Variants in NCAM1 observed in about 807,000 individuals in gnomAD.
The protein encoded by NCAM1 is antigen recognized by monoclonal antibody 5.1H11.
Under a neutral mutation model 109.8 loss-of-function variants are expected in NCAM1, and 14 were observed. The ratio of observed to expected loss-of-function variants is 0.13; its 90% CI spans 0.08 to 0.20. The LOEUF (loss-of-function observed/expected upper bound fraction) is 0.20. Ranked by LOEUF, NCAM1 falls within the 10% of genes least tolerant of loss-of-function variation. The pLI is 1.00. For missense variants in NCAM1, 774 were observed against 1,109.9 expected, an observed-to-expected ratio of 0.70 and a Z score of 4.30; for synonymous variants, 418 against 442.9, an observed-to-expected ratio of 0.94 and a Z score of 0.70.
chr11:113,175,075 C>T (rs1555106808), intron 1 of NCAM1, among the ~76,000 whole-genome samples: 1 of 152,168 alleles, frequency 6.6e-6, no homozygotes, highest in African/African-American at 2.4e-5. Context: ...TGATGTCATG[C>T]CCTTGTGGGA....
At chr11:113,079,982 T>C (rs1474750004) in intron 1 of NCAM1, among the ~76,000 whole-genome samples, 2 of 152,228 alleles carry the variant, frequency 1.3e-5, no homozygotes, top group Non-Finnish European at 2.9e-5. Context: ...CCTAAAAATA[T>C]TACAATACAT....
At chr11:113,270,668 G>T (rs782621051) in intron 18 of NCAM1, 10 of 493,052 alleles carry the variant, frequency 2.0e-5, no homozygotes, top group Non-Finnish European at 3.6e-5. Context: ...AGGTCAAAAT[G>T]AGGGAAATTG....
At chr11:112,989,862 G>T (rs1413001532) in intron 1 of NCAM1, among the ~76,000 whole-genome samples, 1 of 152,126 alleles carries the variant, frequency 6.6e-6, no homozygotes, top group African/African-American at 2.4e-5. Flanking sequence ...GTTCATCAAG[G>T]TTACCTTAAT....
intron 1 of NCAM1, among the ~76,000 whole-genome samples, chr11:113,102,285 CAGG>C (rs1939910357): frequency 6.6e-6 from 1 of 152,162 alleles, no homozygotes; most frequent in Non-Finnish European, 1.5e-5. Context: ...TTATAATCCA[CAGG>C]AGGACACACC....
chr11:113,236,690 C>T (rs565279350), intron 14 of NCAM1, among the ~76,000 whole-genome samples: 17 of 152,252 alleles, frequency 1.1e-4, no homozygotes, highest in African/African-American at 2.2e-4. Flanking sequence ...GCCAGGATGC[C>T]GGGAAAGTGA....
intron 7 of NCAM1, among the ~76,000 whole-genome samples, chr11:113,211,840 C>G (rs1431833290): frequency 6.6e-6 from 1 of 152,140 alleles, no homozygotes; most frequent in Non-Finnish European, 1.5e-5. Flanking sequence ...GTAGACAAGG[C>G]TGCCTCTTAG....
In NCAM1 at chr11:113,205,034, G is replaced by A. The variant is rs185209966; in HGVS notation, c.347-489G>A. On this transcript the variant is annotated intron_variant, in intron 3 of 19. Coordinates refer to ENST00000316851, the MANE Select transcript of NCAM1 (RefSeq NM_181351.5). ...GCTAATGGAACAGTATTGATTGCAC[G>A]GTATTTATTGCCATTAAATGTGCTT... Among the ~76,000 whole-genome samples the A allele has an allele frequency of 3.9e-5, 6 of 152,262 alleles. No homozygotes were observed. In the East Asian group the frequency reaches 5.8e-4, roughly 15 times the overall value.
At chr11:113,061,754 A>G (rs907479169) in intron 1 of NCAM1, among the ~76,000 whole-genome samples, 8 of 152,226 alleles carry the variant, frequency 5.3e-5, no homozygotes, top group African/African-American at 1.7e-4. Flanking sequence ...CCTGAGCTTG[A>G]ATTGGCCCAT....
At chr11:113,111,888 A>AATAAACGTAT (rs1940460919) in intron 1 of NCAM1, among the ~76,000 whole-genome samples, 2 of 152,354 alleles carry the variant, frequency 1.3e-5, no homozygotes, top group South Asian at 4.1e-4. Context: ...TGATTATTTG[A>AATAAACGTAT]ATAAACGTAT....
At chr11:113,224,760 G>C (rs908141948) in intron 9 of NCAM1, among the ~76,000 whole-genome samples, 26 of 152,342 alleles carry the variant, frequency 1.7e-4, no homozygotes, top group African/African-American at 5.8e-4. Flanking sequence ...TCAGACAGCA[G>C]CATTTGCTGT....
intron 15 of NCAM1, among the ~76,000 whole-genome samples, chr11:113,251,654 G>A (rs1042170943): frequency 5.9e-5 from 9 of 152,282 alleles, no homozygotes; most frequent in South Asian, 4.2e-4. Context: ...TGGCTAAAGC[G>A]AAACTCCAAG....
At chr11:113,103,312 A>G (rs1939958934) in intron 1 of NCAM1, among the ~76,000 whole-genome samples, 1 of 152,242 alleles carries the variant, frequency 6.6e-6, no homozygotes, top group South Asian at 2.1e-4. Context: ...TGACTTGAAA[A>G]AAGTTTCAAG....
At chr11:113,181,271 C>T (rs904017973) in intron 1 of NCAM1, among the ~76,000 whole-genome samples, 1 of 152,190 alleles carries the variant, frequency 6.6e-6, no homozygotes, top group African/African-American at 2.4e-5. Context: ...TGCCCACTCT[C>T]AAGCTGCCCA....
At chr11:113,061,832 A>G (rs1017655089) in intron 1 of NCAM1, among the ~76,000 whole-genome samples, 3 of 152,250 alleles carry the variant, frequency 2.0e-5, no homozygotes, top group Non-Finnish European at 4.4e-5. Flanking sequence ...TGATTTGACC[A>G]TAATATTAGG....
At chr11:113,017,909 A>C (rs1952258565) in intron 1 of NCAM1, among the ~76,000 whole-genome samples, 1 of 152,214 alleles carries the variant, frequency 6.6e-6, no homozygotes, top group Admixed American at 6.5e-5. Flanking sequence ...TAAGTTAAAC[A>C]GGATTCCTTT....
chr11:113,076,535 A>C (rs1406487911), intron 1 of NCAM1, among the ~76,000 whole-genome samples: 1 of 152,222 alleles, frequency 6.6e-6, no homozygotes, highest in Non-Finnish European at 1.5e-5. Context: ...ACTAAAAAAC[A>C]TGGTTAGAAT....
chr11:113,120,681 T>A (rs1278239119), intron 1 of NCAM1, among the ~76,000 whole-genome samples: 1 of 152,214 alleles, frequency 6.6e-6, no homozygotes, highest in African/African-American at 2.4e-5. Context: ...GGATCACAGC[T>A]GACACCCTTG....
chr11:113,071,177 A>G (rs1326611679), intron 1 of NCAM1, among the ~76,000 whole-genome samples: 1 of 152,176 alleles, frequency 6.6e-6, no homozygotes, highest in Non-Finnish European at 1.5e-5. Context: ...GTATGACTGG[A>G]ATAGATGAAT....
At chr11:113,059,805 T>C (rs931717746) in intron 1 of NCAM1, among the ~76,000 whole-genome samples, 2 of 152,224 alleles carry the variant, frequency 1.3e-5, no homozygotes, top group African/African-American at 4.8e-5. Flanking sequence ...TGACTTGTCA[T>C]AGCCAGTGAT....
Sources: allele counts gnomAD v4.1 joint callset (sites outside exome capture counted in the v4.1 genomes callset), GRCh38; gene constraint gnomAD v4.1.1; transcripts MANE v1.5; gene names NCBI Gene and HGNC (gene_info 2026-07-23, HGNC 2026-07-21).